The following PRKN variants were observed in gnomAD, a reference collection of about 807,000 sequenced individuals.
PRKN encodes the protein E3 ubiquitin-protein ligase parkin.
In PRKN, 56 loss-of-function variants were observed where a neutral mutation model predicts 59.5. That is an observed-to-expected ratio of 0.94 (90% CI 0.76 to 1.18). PRKN has a LOEUF of 1.18. Among genes scored for constraint, PRKN ranks in the 50% most tolerant of loss-of-function variants. The probability of loss-of-function intolerance (pLI) is 0.00; values close to 1 mark genes in which losing one functional copy is unlikely to be tolerated. For missense variants in PRKN, 657 were observed against 596.4 expected (o/e 1.10, Z -1.06); for synonymous variants, 250 against 222.1 (o/e 1.13, Z -1.12).
chr6:162,207,903 G>A (rs1247605297), intron 3 of PRKN, among the ~76,000 whole-genome samples: 1 of 152,140 alleles, frequency 6.6e-6, no homozygotes, highest in Non-Finnish European at 1.5e-5. Flanking sequence ...GAGCATGGTG[G>A]TGTCAGGGCA....
At chr6:162,419,395 A>C (rs377635637) in intron 2 of PRKN, among the ~76,000 whole-genome samples, 23 of 152,246 alleles carry the variant, frequency 1.5e-4, no homozygotes, top group African/African-American at 4.8e-4. Context: ...ACTGAGCTTA[A>C]GAAGACGTTT....
chr6:161,548,631 A>G lies in PRKN; in HGVS notation c.1083+223T>C. 5.4e-6 allele frequency: 3 copies of G among 552,368 alleles called. No individual in the cohort carries two copies. The highest frequency in any genetic ancestry group is 9.5e-6 in the Non-Finnish European group (3 of 314,510). 34.2% of individuals were successfully genotyped at this position (552,368 alleles called of 1,614,324 possible). On this transcript the variant is annotated intron_variant, in intron 9 of 11. Transcript: ENST00000366898. This position sits in a 1 kb window ranked among gnomAD's most constrained non-coding sequence, Gnocchi z 4.2. The stretch of plus-strand genomic sequence containing the variant: ...AAAGTAAATACTTCCATAAGCAACC[A>G]AAGCAGAAAATCTTCATATAACTGT...
intron 2 of PRKN, among the ~76,000 whole-genome samples, chr6:162,398,687 G>A (rs894120486): frequency 6.6e-5 from 10 of 152,158 alleles, no homozygotes; most frequent in African/African-American, 2.4e-4. Context: ...ACTCCACCTG[G>A]GCCAGCCAGA....
chr6:161,992,086 T>C (rs1781670598), intron 5 of PRKN, among the ~76,000 whole-genome samples: 1 of 152,060 alleles, frequency 6.6e-6, no homozygotes, highest in Non-Finnish European at 1.5e-5. Context: ...ACGCCTGTAA[T>C]CCCAGCACTT....
intron 4 of PRKN, among the ~76,000 whole-genome samples, chr6:162,196,117 ATAG>A (rs1448253670): frequency 5.3e-5 from 8 of 152,198 alleles, no homozygotes; most frequent in Non-Finnish European, 1.5e-5. Flanking sequence ...CAAGACAATG[ATAG>A]TAGCAAGGGA....
Position 162,262,676 on chromosome 6 carries a change from G to A in PRKN, c.261C>T (p.Asp87=). Residue 87 remains aspartate, a synonymous_variant, in exon 3 of 12, where the codon GAC becomes GAT. Coordinates refer to ENST00000366898, the MANE Select transcript of PRKN (RefSeq NM_004562.3). The stretch of plus-strand genomic sequence containing the variant: ...CACAGCCTCCCGCCGCGTTTCTGGG[G>A]TCGTCGCCTCCAGTTGCATTCATTT... ...GQEMNATGGD[D]PRNAAGGCER... is the part of the protein sequence containing the mutation. The A allele has an allele frequency of 1.2e-6, 2 of 1,613,368 alleles. No individual in the cohort carries two copies. The highest frequency in any genetic ancestry group is 1.7e-6 in the Non-Finnish European group (2 of 1,179,950).
chr6:162,314,045 C>G lies in PRKN; in HGVS notation c.172-51280G>C, dbSNP rs73024768. Among the ~76,000 whole-genome samples the G allele has an allele frequency of 5.8e-3, 880 of 152,226 alleles. 7 individuals carry two copies. Among genetic ancestry groups the G allele is most frequent in the South Asian group, 0.021 (103 of 4,816 alleles). On this transcript the variant is annotated intron_variant, in intron 2 of 11. Coordinates refer to ENST00000366898, the MANE Select transcript of PRKN (RefSeq NM_004562.3). ...AATGAGTCATCAGGTAGCAAACAGT[C>G]ATATCGCCACCACCCAAGTCAAGAC...
intron 9 of PRKN, among the ~76,000 whole-genome samples, chr6:161,422,261 T>C (rs566645621): frequency 1.4e-3 from 208 of 150,180 alleles, no homozygotes; most frequent in African/African-American, 5.0e-3. Flanking sequence ...TGCAGTGGCA[T>C]GATCTCGGCT....
rs202021008 is a variant in PRKN, at chr6:161,350,215, T to C, written c.1286-4A>G. The C allele has an allele frequency of 1.4e-5, 22 of 1,608,580 alleles. No individual in the cohort carries two copies. Among genetic ancestry groups the C allele is most frequent in the Non-Finnish European group, 1.8e-5 (21 of 1,175,974 alleles). ...CACTTCATGTGCATGCAGCCTCCTG[T>C]TGGGGGCAGAAAACAAAGGTGTGGT... On this transcript the variant is annotated splice_region_variant and splice_polypyrimidine_tract_variant and intron_variant, in intron 11 of 11. Transcript: ENST00000366898.
Position 161,471,717 on chromosome 6 carries a change from T to C in PRKN, c.1083+77137A>G, listed in dbSNP as rs954347853. 6.6e-6 allele frequency among the ~76,000 whole-genome samples: 1 copy of C among 152,046 alleles called. No individual in the cohort carries two copies. The highest frequency in any genetic ancestry group is 1.5e-5 in the Non-Finnish European group (1 of 68,028). On this transcript the variant is annotated intron_variant, in intron 9 of 11. Coordinates refer to ENST00000366898, the MANE Select transcript of PRKN (RefSeq NM_004562.3). This position sits in a 1 kb window ranked among gnomAD's most constrained non-coding sequence, Gnocchi z 4.5. ...TACAGAACCGACTTTTAGAGAAGAG[T>C]TTAAATCCCAGTACTAGAATATATG... is the stretch of plus-strand genomic sequence containing the variant.
At chr6:161,517,695 G>C (rs528521081) in intron 9 of PRKN, among the ~76,000 whole-genome samples, 2 of 121,724 alleles carry the variant, frequency 1.6e-5, no homozygotes, top group Admixed American at 1.1e-4. Flanking sequence ...AGCCGAGATC[G>C]CGTCACTGCA....
At chr6:162,461,790 C>T (rs888463045) in intron 1 of PRKN, among the ~76,000 whole-genome samples, 1 of 150,492 alleles carries the variant, frequency 6.6e-6, no homozygotes, top group Non-Finnish European at 1.5e-5. Flanking sequence ...CACGCCACTG[C>T]ACTGCAGCCT....
At chr6:162,594,286 T>C (rs1781416675) in intron 1 of PRKN, among the ~76,000 whole-genome samples, 1 of 152,214 alleles carries the variant, frequency 6.6e-6, no homozygotes, top group South Asian at 2.1e-4. Flanking sequence ...TTATCTTACA[T>C]ATAAATAATT....
chr6:162,215,152 C>G (rs1033579931), intron 3 of PRKN, among the ~76,000 whole-genome samples: 2 of 152,140 alleles, frequency 1.3e-5, no homozygotes, highest in Admixed American at 1.3e-4. Flanking sequence ...TCTTAGGGGT[C>G]GTAAGCTACA....
intron 2 of PRKN, among the ~76,000 whole-genome samples, chr6:162,299,589 A>C (rs1274068103): frequency 6.6e-6 from 1 of 151,908 alleles, no homozygotes; most frequent in Non-Finnish European, 1.5e-5. Context: ...AAATTATGCA[A>C]ATATATATAA....
rs1280708039 is a variant in PRKN, at chr6:161,360,805, A to G, written c.1168-600T>C. Among the ~76,000 whole-genome samples the G allele has an allele frequency of 6.6e-6, 1 of 152,150 alleles. No individual in the cohort carries two copies. Among genetic ancestry groups the G allele is most frequent in the Non-Finnish European group, 1.5e-5 (1 of 68,016 alleles). ...AGGGCAGTGGGAGCTGTGAGTGAAGACTGTGGCCCTGGAACCAGCTGTCTG... is the reference window on the plus strand; with the variant it reads ...AGGGCAGTGGGAGCTGTGAGTGAAGGCTGTGGCCCTGGAACCAGCTGTCTG... On this transcript the variant is annotated intron_variant, in intron 10 of 11. Coordinates refer to ENST00000366898, the MANE Select transcript of PRKN (RefSeq NM_004562.3). This position sits in a 1 kb window ranked among gnomAD's most constrained non-coding sequence, Gnocchi z 5.1.
At chr6:161,786,268 G>A (rs1007760292) in intron 6 of PRKN, among the ~76,000 whole-genome samples, 62 of 151,874 alleles carry the variant, frequency 4.1e-4, no homozygotes, top group African/African-American at 1.4e-3. Context: ...CTATTGATCC[G>A]TTATTACACC....
intron 7 of PRKN, among the ~76,000 whole-genome samples, chr6:161,643,592 A>G (rs1270748656): frequency 6.6e-6 from 1 of 152,154 alleles, no homozygotes; most frequent in African/African-American, 2.4e-5. Context: ...GTATATTGCA[A>G]TCTACTTTAT....
intron 4 of PRKN, among the ~76,000 whole-genome samples, chr6:162,089,260 A>G (rs1460606591): frequency 2.0e-5 from 3 of 152,226 alleles, no homozygotes; most frequent in Non-Finnish European, 4.4e-5. Context: ...CATTTTTCCA[A>G]GGAAGTTATA....
Sources: gnomAD v4.1 joint callset for allele counts (sites outside exome capture counted in the v4.1 genomes callset) on GRCh38, gnomAD v4.1.1 for gene constraint, Gnocchi (gnomAD v3.1) non-coding constraint, MANE v1.5 for transcripts, NCBI Gene and HGNC (gene_info 2026-07-23, HGNC 2026-07-21) for gene names.